The following AATF variants were observed in gnomAD, a reference collection of about 807,000 sequenced individuals.
The protein encoded by AATF is protein AATF.
AATF carries 48 observed loss-of-function variants against 63.7 expected under a neutral mutation model. That is an observed-to-expected ratio of 0.75 (90% CI 0.60 to 0.96). The LOEUF (loss-of-function observed/expected upper bound fraction) is 0.96. AATF is among the 40% of genes least tolerant of loss of function. AATF has a pLI of 0.00. For missense variants in AATF, 639 were observed against 685.7 expected, an observed-to-expected ratio of 0.93 and a Z score of 0.76; for synonymous variants, 258 against 247.7, an observed-to-expected ratio of 1.04 and a Z score of -0.39.
chr17:36,987,508 G>A (rs1418464421), intron 5 of AATF, among the ~76,000 whole-genome samples: 4 of 152,108 alleles, frequency 2.6e-5, no homozygotes, highest in East Asian at 1.9e-4. Context: ...TACACCTGCT[G>A]TATATACCTG....
intron 10 of AATF, among the ~76,000 whole-genome samples, chr17:37,027,805 C>T (rs990208054): frequency 3.3e-5 from 5 of 152,098 alleles, no homozygotes; most frequent in Non-Finnish European, 7.3e-5. Flanking sequence ...ACAGTAACCA[C>T]GTGTGGCTAG....
intron 11 of AATF, among the ~76,000 whole-genome samples, chr17:37,041,553 T>C (rs946933811): frequency 4.6e-5 from 7 of 152,214 alleles, no homozygotes; most frequent in African/African-American, 1.7e-4. Flanking sequence ...TCGCCCAGGC[T>C]GAAGTGCAAT....
At chr17:37,023,846 C>T (rs1207182208) in intron 10 of AATF, among the ~76,000 whole-genome samples, 1 of 152,030 alleles carries the variant, frequency 6.6e-6, no homozygotes, top group Middle Eastern at 3.4e-3. Context: ...CAGCCCCACA[C>T]CCCCACCCCT....
At chr17:36,970,662 C>T (rs1165937970) in intron 4 of AATF, among the ~76,000 whole-genome samples, 1 of 151,728 alleles carries the variant, frequency 6.6e-6, no homozygotes, top group Non-Finnish European at 1.5e-5. Context: ...ACCCTAACCT[C>T]CTGAGTAGCT....
intron 4 of AATF, among the ~76,000 whole-genome samples, chr17:36,961,511 CTT>C (rs2070946906): frequency 6.6e-6 from 1 of 151,984 alleles, no homozygotes; most frequent in Non-Finnish European, 1.5e-5. Flanking sequence ...CATGTTAAGT[CTT>C]TGAAATCCAG....
intron 8 of AATF, among the ~76,000 whole-genome samples, chr17:37,017,195 A>G (rs1373627401): frequency 1.3e-5 from 2 of 152,178 alleles, no homozygotes; most frequent in Non-Finnish European, 2.9e-5. Flanking sequence ...GTCTCAAGGG[A>G]TCTGAGAAAA....
intron 11 of AATF, among the ~76,000 whole-genome samples, chr17:37,034,121 C>T (rs1047211738): frequency 6.6e-6 from 1 of 152,162 alleles, no homozygotes; most frequent in Admixed American, 6.5e-5. Context: ...GAATAATAGT[C>T]TTGTAGCTGG....
chr17:37,032,549 C>G (rs1402945036), intron 11 of AATF, among the ~76,000 whole-genome samples: 1 of 152,186 alleles, frequency 6.6e-6, no homozygotes. Context: ...AAACCAAGAT[C>G]TAGGTACTAG....
intron 4 of AATF, among the ~76,000 whole-genome samples, chr17:36,968,035 A>C (rs1055492221): frequency 6.6e-6 from 1 of 151,380 alleles, no homozygotes; most frequent in Non-Finnish European, 1.5e-5. Context: ...AATCCTCTTG[A>C]AATTATTTTG....
Position 36,986,717 on chromosome 17 carries a change from G to T in AATF, c.933G>T (p.Lys311Asn), listed in dbSNP as rs1363781398. Reference sequence around the variant, plus strand: ...CTAGATATCTAGTAGATGGGACAAAGCCCAATGCGGGAAGGTAAGAGAACA... The same window carrying T: ...CTAGATATCTAGTAGATGGGACAAATCCCAATGCGGGAAGGTAAGAGAACA... Reference protein sequence around the residue: ...PDTRYLVDGTKPNAGSEEISS... With the variant: ...PDTRYLVDGTNPNAGSEEISS... The change falls in exon 5 of 12, where the codon AAG (lysine) becomes AAT (asparagine). Residue 311 changes from lysine (K) to asparagine (N), a missense_variant. Physicochemically the swap from Lys to Asn is moderately conservative, Grantham distance 94. Transcript: ENST00000619387. 1 of 1,613,786 alleles carries T rather than the reference G, an allele frequency of 6.2e-7. No homozygotes were observed. Among genetic ancestry groups the T allele is most frequent in the South Asian group, 1.1e-5 (1 of 91,078 alleles).
chr17:37,004,502 T>TA (rs1297055686), intron 8 of AATF, among the ~76,000 whole-genome samples: 1 of 151,550 alleles, frequency 6.6e-6, no homozygotes, highest in African/African-American at 2.4e-5. Flanking sequence ...CGTAGAGAGG[T>TA]AAAAATGGAT....
At chr17:37,053,894 T>G (rs1172645997) in intron 11 of AATF, among the ~76,000 whole-genome samples, 1 of 152,208 alleles carries the variant, frequency 6.6e-6, no homozygotes, top group Non-Finnish European at 1.5e-5. Context: ...GTTACTTGAA[T>G]GAACGATGAG....
intron 11 of AATF, among the ~76,000 whole-genome samples, chr17:37,037,016 T>G (rs958795166): frequency 7.3e-5 from 11 of 151,266 alleles, no homozygotes; most frequent in South Asian, 2.1e-4. Flanking sequence ...TTTTGTTTTT[T>G]TTTTTTTTTT....
intron 11 of AATF, among the ~76,000 whole-genome samples, chr17:37,047,590 T>G (rs116556927): frequency 6.6e-6 from 1 of 152,186 alleles, no homozygotes; most frequent in African/African-American, 2.4e-5. Context: ...GTCTGTCTGA[T>G]CTTTAGGGGA....
Position 36,949,197 on chromosome 17 carries a change from T to TGAAGCGGACCCC in AATF, c.75_86dup (p.Ala26_Glu29dup), listed in dbSNP as rs764192030. On this transcript the variant is annotated inframe_insertion, in exon 1 of 12. Transcript: ENST00000619387. ...ACCCGCGACCAAGCGAGGCGGACCCTGAAGCGGACCCCGAGGAAGGTGAGG... is the reference window on the plus strand; with the variant it reads ...ACCCGCGACCAAGCGAGGCGGACCCTGAAGCGGACCCCGAAGCGGACCCCGAGGAAGGTGAGG... 3.8e-5 allele frequency: 61 copies of TGAAGCGGACCCC among 1,593,058 alleles called. No homozygotes were observed. In the East Asian group the frequency reaches 5.9e-4, roughly 15 times the overall value.
chr17:37,049,573 C>G (rs1328151309), intron 11 of AATF, among the ~76,000 whole-genome samples: 74 of 150,878 alleles, frequency 4.9e-4, no homozygotes, highest in Non-Finnish European at 2.9e-5. Context: ...CCACTGCACT[C>G]CAGCCTGGGT....
At chr17:37,023,633 A>G (rs1034624939) in intron 10 of AATF, among the ~76,000 whole-genome samples, 2 of 146,290 alleles carry the variant, frequency 1.4e-5, no homozygotes, top group African/African-American at 5.1e-5. Context: ...CAGAGTTTAA[A>G]AAGAGGCATT....
intron 8 of AATF, among the ~76,000 whole-genome samples, chr17:37,013,453 G>A (rs773555134): frequency 1.3e-5 from 2 of 152,196 alleles, no homozygotes; most frequent in Non-Finnish European, 2.9e-5. Flanking sequence ...TGGGCTTCTA[G>A]TGGAAGCCTC....
Position 37,016,807 on chromosome 17 carries a change from G to A in AATF, c.1399-2198G>A, listed in dbSNP as rs532957398. ...TTTGGGAAAATAGTAATAGCCACGG[G>A]AATCATTTGTTTAACTGTATTTTTT... On this transcript the variant is annotated intron_variant, in intron 8 of 11. Coordinates refer to ENST00000619387, the MANE Select transcript of AATF (RefSeq NM_012138.4). Among the ~76,000 whole-genome samples, 39 of 152,076 alleles carry A rather than the reference G, an allele frequency of 2.6e-4. No homozygotes were observed. In the Middle Eastern group the frequency reaches 0.01, roughly 40 times the overall value.
Sources: gnomAD v4.1 joint callset for allele counts (sites outside exome capture counted in the v4.1 genomes callset) on GRCh38, gnomAD v4.1.1 for gene constraint, MANE v1.5 for transcripts, NCBI Gene and HGNC (gene_info 2026-07-23, HGNC 2026-07-21) for gene names.